The following PTBP1 variants were observed in gnomAD, a reference collection of about 807,000 sequenced individuals.
The protein encoded by PTBP1 is polypyrimidine tract binding protein 1.
PTBP1 carries 8 observed loss-of-function variants against 59.8 expected under a neutral mutation model. That is an observed-to-expected ratio of 0.13 (90% CI 0.08 to 0.24). PTBP1 has a LOEUF of 0.24. Among genes scored for constraint, PTBP1 ranks in the 10% least tolerant of loss-of-function variants. The pLI is 1.00. For missense variants in PTBP1, 686 were observed against 767.0 expected, an observed-to-expected ratio of 0.89 and a Z score of 1.25; for synonymous variants, 490 against 320.7, an observed-to-expected ratio of 1.53 and a Z score of -5.64.
chr19:806,197 T>TGCTGTGAGGAGAGGCGGGC, intron 9 of PTBP1: 1 of 501,786 alleles, frequency 2.0e-6, no homozygotes, highest in Non-Finnish European at 3.4e-6. Context: ...GCCCGGCCCG[T>TGCTGTGAGGAGAGGCGGGC]GCTGTGAGGA....
chr19:804,515 G>T lies in PTBP1; in HGVS notation c.436-17G>T. ...CCAGCCGCAGGGGCCGGGGACTCACGGCTGTGCCTCCCACAGCGGGCCCAG... is the reference window on the plus strand; with the variant it reads ...CCAGCCGCAGGGGCCGGGGACTCACTGCTGTGCCTCCCACAGCGGGCCCAG... On this transcript the variant is annotated splice_polypyrimidine_tract_variant and intron_variant, in intron 5 of 14. Coordinates refer to ENST00000356948, the MANE Select transcript of PTBP1 (RefSeq NM_002819.5). The T allele has an allele frequency of 6.3e-7, 1 of 1,597,510 alleles. No homozygotes were observed. The highest frequency in any genetic ancestry group is 1.1e-5 in the South Asian group (1 of 89,914).
At position 811,791 on chromosome 19, in the gene PTBP1, C is replaced by T. The variant is rs187053484; in HGVS notation, c.*965C>T. 2 of 152,480 alleles carry T rather than the reference C, an allele frequency of 1.3e-5. No individual in the cohort carries two copies. The highest frequency in any genetic ancestry group is 6.5e-5 in the Admixed American group (1 of 15,288). The allele number at this position is 152,480 out of a possible 1,614,324, so 9.4% of individuals were successfully genotyped here. On this transcript the variant is annotated 3_prime_UTR_variant, in exon 15 of 15. Transcript: ENST00000356948. ...TCGCCTCCGGTTGCCTTACACCACGCCTTCACCTGCAGTCGCCTAGAAAAC... is the reference window on the plus strand; with the variant it reads ...TCGCCTCCGGTTGCCTTACACCACGTCTTCACCTGCAGTCGCCTAGAAAAC...
In PTBP1 at chr19:811,065, G is replaced by A. The variant is rs1346177567; in HGVS notation, c.*239G>A. ...CGGGAGTTCCCGGCCCTCCACACCC[G>A]GGGCCAGACCCTCGGGGCCATGCCT... On this transcript the variant is annotated 3_prime_UTR_variant, in exon 15 of 15. Coordinates refer to ENST00000356948, the MANE Select transcript of PTBP1 (RefSeq NM_002819.5). 1.8e-5 allele frequency: 8 copies of A among 444,494 alleles called. No homozygotes were observed. Among genetic ancestry groups the A allele is most frequent in the African/African-American group, 6.2e-5 (3 of 48,488 alleles). The allele number at this position is 444,494 out of a possible 1,614,324, so 27.5% of individuals were successfully genotyped here. A position where few individuals can be genotyped will look rare whatever the true frequency, so the allele number is the denominator to read the frequency against.
In PTBP1 at chr19:805,477, C is replaced by G. The variant is rs750270882; in HGVS notation, c.893-15C>G. On this transcript the variant is annotated splice_polypyrimidine_tract_variant and intron_variant, in intron 8 of 14. Transcript: ENST00000356948. Reference sequence around the variant, plus strand: ...AGGTTGTGGGTGCGATGATTAGTGTCTCATTTATTTCTAGGTGCACCTGGT... The same window carrying G: ...AGGTTGTGGGTGCGATGATTAGTGTGTCATTTATTTCTAGGTGCACCTGGT... 2.1e-5 allele frequency: 33 copies of G among 1,608,044 alleles called. No individual in the cohort carries two copies. Among genetic ancestry groups the G allele is most frequent in the Non-Finnish European group, 2.8e-5 (33 of 1,174,646 alleles).
chr19:805,368 C>T (rs544202602), intron 8 of PTBP1, 124 bp from the exon 9 acceptor site: 51 of 1,197,914 alleles, frequency 4.3e-5, no homozygotes, highest in Admixed American at 2.9e-4. Context: ...CCTGGAGCAG[C>T]GGATCTGCCC....
rs969950432 is a variant in PTBP1 at position 811,867 on chromosome 19, C to G, written c.*1041C>G. On this transcript the variant is annotated 3_prime_UTR_variant, in exon 15 of 15. Transcript: ENST00000356948. ...CTTCCTTCAAATTTTGGACCAAAGT[C>G]TCATTTCTGTGTTTTGCCTGCCTCT... The G allele has an allele frequency of 1.3e-5, 2 of 152,444 alleles. No individual in the cohort carries two copies. Among genetic ancestry groups the G allele is most frequent in the Non-Finnish European group, 2.9e-5 (2 of 68,032 alleles). 9.4% of individuals were successfully genotyped at this position (152,444 alleles called of 1,614,324 possible).
chr19:804,543 G>T lies in PTBP1; in HGVS notation c.447G>T (p.Ala149=), dbSNP rs765059664. 1.9e-6 allele frequency: 3 copies of T among 1,603,862 alleles called. No homozygotes were observed. Among genetic ancestry groups the T allele is most frequent in the East Asian group, 2.2e-5 (1 of 44,758 alleles). ...TGTGCCTCCCACAGCGGGCCCAGGC[G>T]GCCCTGCAGGCGGTGAACTCGGTCC... is the stretch of plus-strand genomic sequence containing the variant. ...DSSPNQARAQ[A]ALQAVNSVQS... The change falls in exon 6 of 15, where the codon GCG becomes GCT. Residue 149 remains alanine, a synonymous_variant. Transcript: ENST00000356948.
intron 8 of PTBP1, 132 bp downstream of exon 8, chr19:805,319 G>A (rs2034513862): frequency 8.1e-7 from 1 of 1,236,108 alleles, no homozygotes. Context: ...GGCCAGCACA[G>A]CACGGTCCAG....
At position 804,387 on chromosome 19, in the gene PTBP1, C is replaced by A; in HGVS notation, c.384C>A (p.Ile128=). The part of the protein sequence containing the change: ...TPVLRGQPIY[I]QFSNHKELKT... ...TGCTGCGCGGCCAGCCCATCTACATCCAGTTCTCCAACCACAAGGAGCTGA... is the reference window on the plus strand; with the variant it reads ...TGCTGCGCGGCCAGCCCATCTACATACAGTTCTCCAACCACAAGGAGCTGA... The change falls in exon 5 of 15, where the codon ATC becomes ATA. Residue 128 remains isoleucine (I), a synonymous_variant. Transcript: ENST00000356948. The A allele has an allele frequency of 6.2e-7, 1 of 1,612,876 alleles. No individual in the cohort carries two copies. The highest frequency in any genetic ancestry group is 8.5e-7 in the Non-Finnish European group (1 of 1,179,998).
At chr19:810,044 C>T (rs542225663) in intron 13 of PTBP1, among the ~76,000 whole-genome samples, 5 of 152,334 alleles carry the variant, frequency 3.3e-5, no homozygotes, top group East Asian at 3.9e-4. Flanking sequence ...GAGTGGCTCA[C>T]GCCTATCATC....
At chr19:803,756 A>G (rs367823184) in intron 3 of PTBP1, 120 bp downstream of exon 3, 60 of 947,866 alleles carry the variant, frequency 6.3e-5, no homozygotes, top group East Asian at 3.9e-4. Context: ...GGTCCACGCT[A>G]CAGACCCAGG....
chr19:803,477 C>T, intron 2 of PTBP1, 84 bp from the exon 3 acceptor site: 1 of 1,210,546 alleles, frequency 8.3e-7, no homozygotes, highest in Non-Finnish European at 1.2e-6. Flanking sequence ...CCAGGCAGCC[C>T]AAGTGGGAGC....
rs552388944 is a variant in PTBP1, at chr19:806,173, T to A, written c.971-235T>A. 10 of 444,502 alleles carry A rather than the reference T, an allele frequency of 2.2e-5. No homozygotes were observed. The East Asian group carries it at 3.9e-4, about 17-fold the overall frequency. 27.5% of individuals were successfully genotyped at this position (444,502 alleles called of 1,614,324 possible). A position where few individuals can be genotyped will look rare whatever the true frequency, so the allele number is the denominator to read the frequency against. ...GTGCTGTGGGCGGGGCGCATGCAGA[T>A]GAGCCCAGGCCCGGCCCGGCCCGTG... On this transcript the variant is annotated intron_variant, in intron 9 of 14. Transcript: ENST00000356948.
In PTBP1 at chr19:810,455, G is replaced by A. The variant is rs945832592; in HGVS notation, c.1464-88G>A. 14 of 1,171,800 alleles carry A rather than the reference G, an allele frequency of 1.2e-5. No individual in the cohort carries two copies. In the African/African-American group the frequency reaches 1.5e-4, roughly 13 times the overall value. The allele number at this position is 1,171,800 out of a possible 1,614,324, so 72.6% of individuals were successfully genotyped here. A position where few individuals can be genotyped will look rare whatever the true frequency, so the allele number is the denominator to read the frequency against. On this transcript the variant is annotated intron_variant, in intron 13 of 14. Transcript: ENST00000356948. ...GCCCTACGCCTTCCCCGGCTACTCT[G>A]AAAACTAGTCTGGGGAAAGCCTCGC... is the stretch of plus-strand genomic sequence containing the variant.
Position 808,721 on chromosome 19 carries a change from C to T in PTBP1, c.1422C>T (p.Asn474=). ...FKKPGSKNFQ[N]IFPPSATLHL... ...AGCCGGGCTCCAAGAACTTCCAGAACATATTCCCGCCCTCGGCCACGCTGC... is the reference window on the plus strand; with the variant it reads ...AGCCGGGCTCCAAGAACTTCCAGAATATATTCCCGCCCTCGGCCACGCTGC... The change falls in exon 13 of 15, where the codon AAC becomes AAT. Residue 474 remains asparagine, a synonymous_variant. Transcript: ENST00000356948. This position sits in a 1 kb window ranked among gnomAD's most constrained non-coding sequence, Gnocchi z 4.7. The T allele has an allele frequency of 1.9e-6, 3 of 1,613,238 alleles. No homozygotes were observed. The highest frequency in any genetic ancestry group is 2.5e-6 in the Non-Finnish European group (3 of 1,179,894).
At position 801,133 on chromosome 19, in the gene PTBP1, CTG is replaced by C. The variant is rs545570862; in HGVS notation, c.39+1693_39+1694del. Among the ~76,000 whole-genome samples, 22 of 152,008 alleles carry C rather than the reference CTG, an allele frequency of 1.4e-4. No individual in the cohort carries two copies. In the East Asian group the frequency reaches 3.7e-3, roughly 26 times the overall value. On this transcript the variant is annotated intron_variant, in intron 2 of 14. Coordinates refer to ENST00000356948, the MANE Select transcript of PTBP1 (RefSeq NM_002819.5). ...GTGTGGGGTTAAAGACACCTAGGAA[CTG>C]TGCTGTAGGGCCCCAGCTGCAGACT...
rs1460328177 is a variant in PTBP1, at chr19:805,097, A to G, written c.802A>G (p.Asn268Asp). 1 of 1,613,842 alleles carries G rather than the reference A, an allele frequency of 6.2e-7. No homozygotes were observed. Among genetic ancestry groups the G allele is most frequent in the Non-Finnish European group, 8.5e-7 (1 of 1,179,866 alleles). ...SKLTSLNVKY[N>D]NDKSRDYTRP... ...GCTCACCAGCCTCAACGTCAAGTAC[A>G]ACAATGACAAGAGCCGTGACTACAC... Residue 268 changes from asparagine to aspartate, a missense_variant, in exon 8 of 15, where the codon AAC (asparagine) becomes GAC (aspartate). By Grantham distance (23) the Asn-to-Asp change is conservative (BLOSUM62 1). Coordinates refer to ENST00000356948, the MANE Select transcript of PTBP1 (RefSeq NM_002819.5).
intron 13 of PTBP1, among the ~76,000 whole-genome samples, chr19:809,669 T>C (rs2034762932): frequency 6.6e-6 from 1 of 152,142 alleles, no homozygotes; most frequent in Admixed American, 6.6e-5. Context: ...GGCAGGGGAT[T>C]GCTTGAACCC....
Position 808,529 on chromosome 19 carries a change from G to A in PTBP1, c.1247-17G>A, listed in dbSNP as rs540217889. ...TTCCCTCTCGGGCGCCTGGTCACGC[G>A]GGTGCTGCTCCCCCAGCCATGAGCC... is the stretch of plus-strand genomic sequence containing the variant. On this transcript the variant is annotated splice_polypyrimidine_tract_variant and intron_variant, in intron 12 of 14. Coordinates refer to ENST00000356948, the MANE Select transcript of PTBP1 (RefSeq NM_002819.5). This position sits in a 1 kb window ranked among gnomAD's most constrained non-coding sequence, Gnocchi z 4.7. 131 of 1,572,456 alleles carry A rather than the reference G, an allele frequency of 8.3e-5. 1 individual carries two copies. Among genetic ancestry groups the A allele is most frequent in the South Asian group, 7.5e-4 (65 of 86,268 alleles).
Sources: allele counts gnomAD v4.1 joint callset (sites outside exome capture counted in the v4.1 genomes callset), GRCh38; gene constraint gnomAD v4.1.1; non-coding constraint Gnocchi (gnomAD v3.1); transcripts MANE v1.5; gene names NCBI Gene and HGNC (gene_info 2026-07-23, HGNC 2026-07-21).